Variants in IGF2BP2 observed in about 807,000 individuals in gnomAD.
IGF2BP2 encodes the protein insulin like growth factor 2 mRNA binding protein 2.
Under a neutral mutation model 75.8 loss-of-function variants are expected in IGF2BP2, and 17 were observed. The ratio of observed to expected loss-of-function variants is 0.22; its 90% CI spans 0.15 to 0.34. IGF2BP2 has a LOEUF of 0.34. Among genes scored for constraint, IGF2BP2 ranks in the 10% least tolerant of loss-of-function variants. The pLI, the probability that IGF2BP2 is intolerant of heterozygous loss-of-function variation, is 1.00. For synonymous variants in IGF2BP2, 288 were observed against 295.6 expected (o/e 0.97, Z 0.26); for missense variants, 516 against 772.4 (o/e 0.67, Z 3.93).
chr3:185,653,857 G>A (rs970383593), intron 12 of IGF2BP2, among the ~76,000 whole-genome samples: 1 of 152,176 alleles, frequency 6.6e-6, no homozygotes, highest in Non-Finnish European at 1.5e-5. Context: ...TCTAGGTCTC[G>A]AGAAAGATCT....
At chr3:185,807,517 C>T (rs988969913) in intron 2 of IGF2BP2, among the ~76,000 whole-genome samples, 1 of 152,224 alleles carries the variant, frequency 6.6e-6, no homozygotes, top group Non-Finnish European at 1.5e-5. Context: ...GGGATTATTA[C>T]TTTTCAGTAT....
At chr3:185,649,308 G>T in intron 14 of IGF2BP2, 95 bp downstream of exon 14, 1 of 1,501,816 alleles carries the variant, frequency 6.7e-7, no homozygotes, top group East Asian at 2.3e-5. Flanking sequence ...CTGTACATTG[G>T]GACAGAAGGC....
chr3:185,723,099 G>A (rs1017357472), intron 2 of IGF2BP2, among the ~76,000 whole-genome samples: 4 of 152,140 alleles, frequency 2.6e-5, no homozygotes, highest in African/African-American at 7.2e-5. Context: ...AGACTTTTAC[G>A]TCTTCAGAAT....
intron 2 of IGF2BP2, among the ~76,000 whole-genome samples, chr3:185,760,413 C>T (rs1732201076): frequency 1.3e-5 from 2 of 152,086 alleles, no homozygotes; most frequent in South Asian, 2.1e-4. Flanking sequence ...CATCACAAAA[C>T]TCACCCATTT....
chr3:185,824,101 G>T (rs578172042), intron 1 of IGF2BP2, among the ~76,000 whole-genome samples: 2 of 152,024 alleles, frequency 1.3e-5, no homozygotes, highest in African/African-American at 2.4e-5. Flanking sequence ...AGGAGCGCTT[G>T]AGAGAGCAAG....
In IGF2BP2 at chr3:185,699,338, T is replaced by C. The variant is rs894171422; in HGVS notation, c.240-991A>G. On this transcript the variant is annotated intron_variant, in intron 2 of 15. Transcript: ENST00000382199. ...AAAATATATTGGCCTGCAACTGACC[T>C]GACCCCAAAGTGTACCTAGGCTCAA... Among the ~76,000 whole-genome samples the C allele has an allele frequency of 9.2e-5, 14 of 152,302 alleles. No homozygotes were observed. The South Asian group carries it at 1.9e-3, about 20-fold the overall frequency.
At chr3:185,658,437 G>C in intron 10 of IGF2BP2, 28 bp from the exon 11 acceptor site, 1 of 1,602,998 alleles carries the variant, frequency 6.2e-7, no homozygotes, top group Non-Finnish European at 8.5e-7. Flanking sequence ...GAGTCAGTGG[G>C]CGGGTGCTCT....
At chr3:185,661,635 C>CAAA (rs562781189) in intron 10 of IGF2BP2, among the ~76,000 whole-genome samples, 8 of 39,594 alleles carry the variant, frequency 2.0e-4, no homozygotes, top group South Asian at 9.1e-4. Flanking sequence ...AAGACTGTCT[C>CAAA]AAAAAAAAAA....
intron 2 of IGF2BP2, among the ~76,000 whole-genome samples, chr3:185,785,200 T>C (rs925763212): frequency 3.4e-5 from 5 of 148,900 alleles, no homozygotes; most frequent in African/African-American, 1.2e-4. Context: ...ACTCGGGAGG[T>C]TGAGGCAGGA....
At chr3:185,693,026 T>G in intron 4 of IGF2BP2, among the ~76,000 whole-genome samples, 1 of 152,372 alleles carries the variant, frequency 6.6e-6, no homozygotes, top group South Asian at 2.1e-4. Context: ...GTATTTTGTA[T>G]CAGTACATTT....
chr3:185,685,313 T>A (rs2149296153), intron 7 of IGF2BP2, among the ~76,000 whole-genome samples: 1 of 151,800 alleles, frequency 6.6e-6, no homozygotes, highest in African/African-American at 2.4e-5. Flanking sequence ...CATGCCATTG[T>A]ACTCGACAAG....
chr3:185,709,029 G>T (rs1724439390), intron 2 of IGF2BP2, among the ~76,000 whole-genome samples: 1 of 152,066 alleles, frequency 6.6e-6, no homozygotes, highest in Non-Finnish European at 1.5e-5. Context: ...CCCTTACATG[G>T]TCCTCAACTC....
intron 2 of IGF2BP2, among the ~76,000 whole-genome samples, chr3:185,788,842 A>G (rs1043699327): frequency 2.0e-5 from 3 of 150,864 alleles, no homozygotes; most frequent in African/African-American, 7.3e-5. Context: ...CCTCCCGAGT[A>G]GCTGGGATTA....
intron 13 of IGF2BP2, among the ~76,000 whole-genome samples, chr3:185,650,073 G>A (rs1240555264): frequency 6.6e-6 from 1 of 151,090 alleles, no homozygotes; most frequent in Non-Finnish European, 1.5e-5. Flanking sequence ...CACGATCATA[G>A]CTCATGTTTT....
intron 10 of IGF2BP2, among the ~76,000 whole-genome samples, chr3:185,660,688 CTT>C (rs1716295672): frequency 6.6e-6 from 1 of 152,196 alleles, no homozygotes; most frequent in African/African-American, 2.4e-5. Context: ...GTTTCTCTCT[CTT>C]GGCTCTGCTT....
intron 2 of IGF2BP2, among the ~76,000 whole-genome samples, chr3:185,796,743 G>A (rs757275639): frequency 1.1e-4 from 16 of 151,822 alleles, no homozygotes; most frequent in Non-Finnish European, 1.6e-4. Flanking sequence ...TCTGAGTCAC[G>A]GTTTACTCTG....
chr3:185,732,716 A>G (rs920044451), intron 2 of IGF2BP2, among the ~76,000 whole-genome samples: 6 of 152,250 alleles, frequency 3.9e-5, no homozygotes, highest in African/African-American at 1.4e-4. Flanking sequence ...TATGAAGACA[A>G]TTATAAAGTC....
chr3:185,650,321 T>C lies in IGF2BP2; in HGVS notation c.1462-787A>G, dbSNP rs192747836. 1.6e-4 allele frequency among the ~76,000 whole-genome samples: 24 copies of C among 152,230 alleles called. No homozygotes were observed. In the East Asian group the frequency reaches 4.4e-3, roughly 28 times the overall value. ...AAGAACCACAGCTTACAATGTTCTTTTTTTTTCTTTACTTAAAATACTGAG... is the reference window on the plus strand; with the variant it reads ...AAGAACCACAGCTTACAATGTTCTTCTTTTTTCTTTACTTAAAATACTGAG... On this transcript the variant is annotated intron_variant, in intron 13 of 15. Coordinates refer to ENST00000382199, the MANE Select transcript of IGF2BP2 (RefSeq NM_006548.6).
At chr3:185,750,447 G>A (rs2149625584) in intron 2 of IGF2BP2, among the ~76,000 whole-genome samples, 2 of 152,284 alleles carry the variant, frequency 1.3e-5, no homozygotes, top group South Asian at 4.1e-4. Context: ...CCATCCCCTA[G>A]AGGTACAAAT....
Sources: gnomAD v4.1 joint callset for allele counts (sites outside exome capture counted in the v4.1 genomes callset) on GRCh38, gnomAD v4.1.1 for gene constraint, MANE v1.5 for transcripts, NCBI Gene and HGNC (gene_info 2026-07-23, HGNC 2026-07-21) for gene names.